Variants in CACNA2D1 observed in about 807,000 individuals in gnomAD.
CACNA2D1 encodes calcium voltage-gated channel auxiliary subunit alpha2delta 1.
A neutral mutation model predicts 171.5 loss-of-function variants in CACNA2D1; 53 were observed. The observed-to-expected ratio is 0.31, with a 90% CI of 0.25 to 0.39. The LOEUF (loss-of-function observed/expected upper bound fraction) is 0.39. Among genes scored for constraint, CACNA2D1 ranks in the 10% least tolerant of loss-of-function variants. The pLI, the probability that CACNA2D1 is intolerant of heterozygous loss-of-function variation, is 1.00. For missense variants in CACNA2D1, 903 were observed against 1,299.8 expected, an observed-to-expected ratio of 0.69 and a Z score of 4.69; for synonymous variants, 442 against 443.1, an observed-to-expected ratio of 1.00 and a Z score of 0.03.
At chr7:82,096,544 T>C (rs184433351) in intron 6 of CACNA2D1, among the ~76,000 whole-genome samples, 1 of 151,566 alleles carries the variant, frequency 6.6e-6, no homozygotes, top group Non-Finnish European at 1.5e-5. Flanking sequence ...TAAAGACAAC[T>C]AGCCATGGAA....
intron 1 of CACNA2D1, among the ~76,000 whole-genome samples, chr7:82,418,876 T>C (rs1273515004): frequency 1.3e-5 from 2 of 152,072 alleles, no homozygotes; most frequent in East Asian, 1.9e-4. Context: ...CCCAGCACTT[T>C]GGGAGGCCGA....
chr7:82,191,066 T>C (rs561465386), intron 3 of CACNA2D1, among the ~76,000 whole-genome samples: 1 of 151,862 alleles, frequency 6.6e-6, no homozygotes, highest in East Asian at 1.9e-4. Flanking sequence ...CAAGAACGTC[T>C]ATAATCTGTA....
chr7:82,394,996 T>C (rs1397668058), intron 1 of CACNA2D1, among the ~76,000 whole-genome samples: 1 of 152,144 alleles, frequency 6.6e-6, no homozygotes, highest in Non-Finnish European at 1.5e-5. Context: ...ACAATTTCAA[T>C]AGTAAAAATT....
At position 82,386,735 on chromosome 7, in the gene CACNA2D1, AAAATAAAT is replaced by A. The variant is rs200338716; in HGVS notation, c.96-37094_96-37087del. 4.7e-3 allele frequency among the ~76,000 whole-genome samples: 689 copies of A among 146,270 alleles called. 4 individuals carry two copies. Among genetic ancestry groups the A allele is most frequent in the East Asian group, 0.029 (143 of 4,954 alleles). Reference sequence around the variant, plus strand: ...GCAATAAGAGCAAAACTCTGTCTCAAAAATAAATAAATAAATAAATAAATAAATAAATA... The same window carrying A: ...GCAATAAGAGCAAAACTCTGTCTCAAAAATAAATAAATAAATAAATAAATA... On this transcript the variant is annotated intron_variant, in intron 1 of 38. Transcript: ENST00000356860.
intron 6 of CACNA2D1, among the ~76,000 whole-genome samples, chr7:82,113,480 T>C (rs1584794382): frequency 6.6e-6 from 1 of 152,122 alleles, no homozygotes; most frequent in Admixed American, 6.5e-5. Context: ...GATTTTGAGA[T>C]GGGGCTCTAA....
At chr7:82,438,035 G>T (rs1830234021) in intron 1 of CACNA2D1, among the ~76,000 whole-genome samples, 1 of 152,150 alleles carries the variant, frequency 6.6e-6, no homozygotes, top group Non-Finnish European at 1.5e-5. Flanking sequence ...TTAAAAGACA[G>T]CAAAACTGTC....
chr7:82,056,568 T>G (rs1805933162), intron 10 of CACNA2D1, among the ~76,000 whole-genome samples: 1 of 152,072 alleles, frequency 6.6e-6, no homozygotes, highest in Non-Finnish European at 1.5e-5. Context: ...AGGATACACA[T>G]GGGCCTAAAA....
chr7:81,951,287 A>G (rs1045905520), intron 38 of CACNA2D1, among the ~76,000 whole-genome samples: 1 of 152,100 alleles, frequency 6.6e-6, no homozygotes, highest in Non-Finnish European at 1.5e-5. Flanking sequence ...ATTTGATAAC[A>G]TTGTCCACAT....
intron 22 of CACNA2D1, among the ~76,000 whole-genome samples, chr7:81,984,265 A>C (rs955616466): frequency 6.6e-6 from 1 of 152,222 alleles, no homozygotes; most frequent in Non-Finnish European, 1.5e-5. Context: ...GAAAAGCTTT[A>C]CTAGCACAGT....
chr7:82,411,329 G>A (rs1034532910), intron 1 of CACNA2D1, among the ~76,000 whole-genome samples: 1 of 152,128 alleles, frequency 6.6e-6, no homozygotes, highest in Non-Finnish European at 1.5e-5. Context: ...GTCCAGAACA[G>A]GTGATTTATT....
intron 12 of CACNA2D1, among the ~76,000 whole-genome samples, chr7:82,021,797 G>A (rs1346666688): frequency 3.9e-5 from 6 of 151,990 alleles, no homozygotes; most frequent in African/African-American, 1.2e-4. Flanking sequence ...GATGTCTGGG[G>A]AAAGAGACAA....
intron 3 of CACNA2D1, among the ~76,000 whole-genome samples, chr7:82,313,636 C>T (rs1814745757): frequency 6.6e-6 from 1 of 152,222 alleles, no homozygotes; most frequent in Non-Finnish European, 1.5e-5. Flanking sequence ...AAAGCACCAA[C>T]CAACTGGCCC....
intron 6 of CACNA2D1, among the ~76,000 whole-genome samples, chr7:82,085,177 T>A (rs1419163353): frequency 6.6e-6 from 1 of 152,160 alleles, no homozygotes; most frequent in Non-Finnish European, 1.5e-5. Flanking sequence ...GTGTCCCTAC[T>A]GACATTTTGG....
intron 6 of CACNA2D1, among the ~76,000 whole-genome samples, chr7:82,112,726 T>C (rs1788603247): frequency 1.3e-5 from 2 of 152,198 alleles, no homozygotes. Flanking sequence ...ATGTAAACTA[T>C]TAGCAAGTGG....
chr7:82,161,570 G>A (rs930429203), intron 4 of CACNA2D1, among the ~76,000 whole-genome samples: 7 of 152,012 alleles, frequency 4.6e-5, no homozygotes, highest in African/African-American at 1.4e-4. Context: ...GTGGAGTTAT[G>A]GCAGAGAAAG....
chr7:82,392,628 G>T (rs1423618855), intron 1 of CACNA2D1, among the ~76,000 whole-genome samples: 1 of 152,194 alleles, frequency 6.6e-6, no homozygotes, highest in East Asian at 1.9e-4. Flanking sequence ...GGCATTGCTG[G>T]CCACAGAAGT....
chr7:82,033,540 CAT>C (rs1159605494), intron 11 of CACNA2D1, among the ~76,000 whole-genome samples: 1 of 152,040 alleles, frequency 6.6e-6, no homozygotes, highest in East Asian at 1.9e-4. Flanking sequence ...ATTCACTTCA[CAT>C]GTTTGAAATC....
intron 1 of CACNA2D1, among the ~76,000 whole-genome samples, chr7:82,420,146 T>C (rs1828584461): frequency 6.6e-6 from 1 of 152,234 alleles, no homozygotes; most frequent in South Asian, 2.1e-4. Flanking sequence ...CTATGTTCCA[T>C]AGATGCATTT....
At chr7:82,073,922 G>A (rs1808646396) in intron 7 of CACNA2D1, among the ~76,000 whole-genome samples, 1 of 152,122 alleles carries the variant, frequency 6.6e-6, no homozygotes, top group Non-Finnish European at 1.5e-5. Context: ...TTGAATGAAT[G>A]ATAAGATGCA....
Sources: gnomAD v4.1 joint callset for allele counts (sites outside exome capture counted in the v4.1 genomes callset) on GRCh38, gnomAD v4.1.1 for gene constraint, MANE v1.5 for transcripts, NCBI Gene and HGNC (gene_info 2026-07-23, HGNC 2026-07-21) for gene names.